ANXA11: variants seen among roughly 807,000 people sequenced by gnomAD.
ANXA11 encodes the protein annexin A11.
Under a neutral mutation model 64.7 loss-of-function variants are expected in ANXA11, and 57 were observed. That is an observed-to-expected ratio of 0.88 (90% CI 0.71 to 1.10). The LOEUF is 1.10. Ranked by LOEUF, ANXA11 falls within the 50% of genes least tolerant of loss-of-function variation. The pLI is 0.00. For synonymous variants in ANXA11, 260 were observed against 265.2 expected, an observed-to-expected ratio of 0.98 and a Z score of 0.19; for missense variants, 675 against 670.7, an observed-to-expected ratio of 1.01 and a Z score of -0.07.
intron 1 of ANXA11, among the ~76,000 whole-genome samples, chr10:80,198,734 AGAGTGAGAGAGT>A (rs1396625643): frequency 6.7e-6 from 1 of 148,608 alleles, no homozygotes. Flanking sequence ...TTTTCAAGAA[AGAGTGAGAGAGT>A]GAGTGAGAGA....
chr10:80,159,059 G>A (rs765346137), intron 13 of ANXA11, 41 bp downstream of exon 13: 39 of 1,481,900 alleles, frequency 2.6e-5, no homozygotes, highest in African/African-American at 5.5e-5. Flanking sequence ...CACGATACAC[G>A]TTAGCCCCTG....
At chr10:80,203,554 C>T (rs1315886074) in intron 1 of ANXA11, among the ~76,000 whole-genome samples, 1 of 152,208 alleles carries the variant, frequency 6.6e-6, no homozygotes, top group African/African-American at 2.4e-5. Flanking sequence ...TGAGCACCTA[C>T]ATTAGGCAAG....
chr10:80,182,690 C>T (rs1467080510), intron 1 of ANXA11, among the ~76,000 whole-genome samples: 1 of 152,176 alleles, frequency 6.6e-6, no homozygotes, highest in Non-Finnish European at 1.5e-5. Context: ...CTCTCCCTCC[C>T]TTGGCCTCCC....
intron 15 of ANXA11, chr10:80,156,501 G>GT (rs1845282245): frequency 2.1e-6 from 1 of 469,038 alleles, no homozygotes; most frequent in Non-Finnish European, 4.4e-6. Context: ...GAGATACTCT[G>GT]TAATGAATTA....
rs145880097 is a variant in ANXA11 at position 80,165,565 on chromosome 10, T to C, written c.858+519A>G. Among the ~76,000 whole-genome samples the C allele has an allele frequency of 3.8e-3, 578 of 152,162 alleles. 2 individuals are homozygous for C. Among genetic ancestry groups the C allele is most frequent in the African/African-American group, 0.013 (551 of 41,528 alleles). ...TCTCCCACCCCACATGAAGCAGCCA[T>C]GGTAGGAGAAGCACAGAAACTGACA... On this transcript the variant is annotated intron_variant, in intron 8 of 15. Coordinates refer to ENST00000422982, the MANE Select transcript of ANXA11 (RefSeq NM_145868.2).
chr10:80,168,995 C>G lies in ANXA11; in HGVS notation c.535G>C (p.Val179Leu). The G allele has an allele frequency of 6.5e-7, 1 of 1,541,962 alleles. No individual in the cohort carries two copies. Among genetic ancestry groups the G allele is most frequent in the Non-Finnish European group, 8.7e-7 (1 of 1,149,836 alleles). ...TGGGTTGGGGGCACAGCGGGGGTGACAGTCCCAGACCCCGGGTATCCTGGG... is the reference window on the plus strand; with the variant it reads ...TGGGTTGGGGGCACAGCGGGGGTGAGAGTCCCAGACCCCGGGTATCCTGGG... ...SYPGYPGSGT[V>L]TPAVPPTQFG... Residue 179 changes from valine to leucine, a missense_variant, in exon 5 of 16, where the codon GTC becomes CTC. Physicochemically the swap from Val to Leu is conservative, Grantham distance 32. Transcript: ENST00000422982.
chr10:80,176,727 T>C (rs531917537), intron 1 of ANXA11, among the ~76,000 whole-genome samples: 5 of 151,974 alleles, frequency 3.3e-5, no homozygotes, highest in African/African-American at 7.3e-5. Flanking sequence ...CCAGCCTTGA[T>C]GGCGCTCGTG....
At chr10:80,176,981 CTT>C (rs10699670) in intron 1 of ANXA11, among the ~76,000 whole-genome samples, 10 of 140,180 alleles carry the variant, frequency 7.1e-5, no homozygotes, top group Non-Finnish European at 1.1e-4. Context: ...CTGCTCCCCA[CTT>C]TTTTTTTTTT....
chr10:80,190,329 ATT>A (rs1319385895), intron 1 of ANXA11, among the ~76,000 whole-genome samples: 2 of 152,218 alleles, frequency 1.3e-5, no homozygotes, highest in African/African-American at 4.8e-5. Flanking sequence ...GTTTGTGGTA[ATT>A]TGTTACAGCA....
intron 12 of ANXA11, among the ~76,000 whole-genome samples, chr10:80,159,681 G>A (rs751675734): frequency 1.3e-5 from 2 of 152,154 alleles, no homozygotes; most frequent in Non-Finnish European, 2.9e-5. Context: ...GCCTGCTAGC[G>A]CTCAAGGAAG....
In ANXA11 at chr10:80,166,087, G is replaced by T; in HGVS notation, c.855C>A (p.Ile285=). The T allele has an allele frequency of 1.9e-6, 3 of 1,549,254 alleles. No homozygotes were observed. The highest frequency in any genetic ancestry group is 2.7e-6 in the Non-Finnish European group (3 of 1,127,552). ...LFDIYEIKEA[I]KGVGTDEACL... ...ACACACACACACACGTACACACCTT[G>T]ATGGCTTCCTTTATCTCATAAATGT... The change falls in exon 8 of 16, where the codon ATC becomes ATA. Residue 285 remains isoleucine, a synonymous_variant. Coordinates refer to ENST00000422982, the MANE Select transcript of ANXA11 (RefSeq NM_145868.2).
chr10:80,177,467 T>G (rs10887581), intron 1 of ANXA11, among the ~76,000 whole-genome samples: 1 of 151,908 alleles, frequency 6.6e-6, no homozygotes, highest in Non-Finnish European at 1.5e-5. Context: ...GTTCTGCCCA[T>G]TGCTCCAGTC....
chr10:80,168,902 T>A, intron 5 of ANXA11, 67 bp downstream of exon 5: 1 of 1,429,926 alleles, frequency 7.0e-7, no homozygotes, highest in Non-Finnish European at 9.2e-7. Flanking sequence ...CCCCATCTAC[T>A]GAGCCATGTG....
At chr10:80,187,965 G>C (rs532763463) in intron 1 of ANXA11, among the ~76,000 whole-genome samples, 1 of 152,144 alleles carries the variant, frequency 6.6e-6, no homozygotes, top group Non-Finnish European at 1.5e-5. Flanking sequence ...CCTTGCAGCA[G>C]CTCTGCCGGA....
intron 1 of ANXA11, among the ~76,000 whole-genome samples, chr10:80,203,722 A>G (rs926326777): frequency 6.6e-6 from 1 of 152,192 alleles, no homozygotes; most frequent in Admixed American, 6.5e-5. Context: ...GTGAGCTCAG[A>G]GCATATCCCG....
intron 1 of ANXA11, among the ~76,000 whole-genome samples, chr10:80,202,751 A>C (rs1840486309): frequency 6.6e-6 from 1 of 152,194 alleles, no homozygotes; most frequent in Admixed American, 6.5e-5. Context: ...ACAGTGGCTA[A>C]GAAGAGAGAG....
intron 1 of ANXA11, among the ~76,000 whole-genome samples, chr10:80,195,208 C>A (rs1486986453): frequency 6.6e-6 from 1 of 152,208 alleles, no homozygotes; most frequent in Non-Finnish European, 1.5e-5. Context: ...TATATTCCAG[C>A]TCCAAATGGC....
intron 8 of ANXA11, 40 bp downstream of exon 8, chr10:80,166,040 GCGCA>G (rs201398615): frequency 0.02 from 20,914 of 1,060,438 alleles, 45 homozygotes; most frequent in East Asian, 0.03. Flanking sequence ...GCACACACGC[GCGCA>G]CACACACACA....
intron 15 of ANXA11, chr10:80,156,478 T>TGCTGGC (rs752122601): frequency 3.2e-5 from 15 of 471,700 alleles, no homozygotes; most frequent in South Asian, 2.3e-4. Flanking sequence ...GTCCATAGCT[T>TGCTGGC]GCTGGCATGC....
Sources: gnomAD v4.1 joint callset for allele counts (sites outside exome capture counted in the v4.1 genomes callset) on GRCh38, gnomAD v4.1.1 for gene constraint, MANE v1.5 for transcripts, NCBI Gene and HGNC (gene_info 2026-07-23, HGNC 2026-07-21) for gene names.